The following EPHA5 variants were observed in gnomAD, a reference collection of about 807,000 sequenced individuals.
EPHA5 encodes the protein ephrin type-A receptor 5.
Under a neutral mutation model 105.0 loss-of-function variants are expected in EPHA5, and 60 were observed. The observed-to-expected ratio is 0.57, with a 90% confidence interval of 0.46 to 0.71. The LOEUF is 0.71. Among genes scored for constraint, EPHA5 ranks in the 30% least tolerant of loss-of-function variants. The probability of loss-of-function intolerance (pLI) is 0.00; values close to 1 mark genes in which losing one functional copy is unlikely to be tolerated. For missense variants in EPHA5, 1,218 were observed against 1,274.7 expected (o/e 0.96, Z 0.68); for synonymous variants, 513 against 449.1 (o/e 1.14, Z -1.80).
chr4:65,406,167 C>A (rs962683470), intron 7 of EPHA5, among the ~76,000 whole-genome samples: 2 of 152,144 alleles, frequency 1.3e-5, no homozygotes, highest in African/African-American at 4.8e-5. Context: ...TACTCTGCTG[C>A]TTACAAGCCT....
At chr4:65,400,344 C>T (rs1721693560) in intron 8 of EPHA5, among the ~76,000 whole-genome samples, 1 of 152,248 alleles carries the variant, frequency 6.6e-6, no homozygotes, top group African/African-American at 2.4e-5. Flanking sequence ...TTGTGGAAGG[C>T]ATATCAATTG....
intron 11 of EPHA5, among the ~76,000 whole-genome samples, chr4:65,363,852 T>G (rs1374779550): frequency 6.6e-6 from 1 of 151,574 alleles, no homozygotes; most frequent in Non-Finnish European, 1.5e-5. Flanking sequence ...TGATTTTATT[T>G]TATTGCATCT....
chr4:65,347,123 C>A (rs959497992), intron 14 of EPHA5, among the ~76,000 whole-genome samples: 1 of 152,090 alleles, frequency 6.6e-6, no homozygotes, highest in Non-Finnish European at 1.5e-5. Context: ...GTCTAACCAA[C>A]CCTGAAGGCA....
chr4:65,352,084 G>A (rs1192069585), intron 12 of EPHA5, among the ~76,000 whole-genome samples: 1 of 151,962 alleles, frequency 6.6e-6, no homozygotes, highest in African/African-American at 2.4e-5. Flanking sequence ...TTGGAAGTTT[G>A]TCGTCTTTGT....
chr4:65,571,470 T>G (rs2149375917), intron 3 of EPHA5, among the ~76,000 whole-genome samples: 1 of 152,242 alleles, frequency 6.6e-6, no homozygotes, highest in Non-Finnish European at 1.5e-5. Context: ...CTTGAGAAGA[T>G]GAATGAAACT....
At chr4:65,613,673 T>C (rs1744975796) in intron 2 of EPHA5, among the ~76,000 whole-genome samples, 1 of 152,032 alleles carries the variant, frequency 6.6e-6, no homozygotes. Flanking sequence ...CTATTGCAAA[T>C]TCCTCCTCCT....
At chr4:65,508,325 G>T (rs183416354) in intron 3 of EPHA5, among the ~76,000 whole-genome samples, 146 of 152,212 alleles carry the variant, frequency 9.6e-4, no homozygotes, top group Admixed American at 7.0e-3. Context: ...GAATCATTGA[G>T]TGAGTATGTT....
At chr4:65,489,047 G>A (rs1340396846) in intron 5 of EPHA5, among the ~76,000 whole-genome samples, 1 of 149,998 alleles carries the variant, frequency 6.7e-6, no homozygotes, top group African/African-American at 2.4e-5. Context: ...CACCATGCCC[G>A]GCTAATTTTT....
chr4:65,405,231 A>G (rs937340359), intron 7 of EPHA5, among the ~76,000 whole-genome samples: 3 of 151,716 alleles, frequency 2.0e-5, no homozygotes, highest in Non-Finnish European at 4.4e-5. Flanking sequence ...TACTTAAATA[A>G]GCAAATAAAT....
intron 13 of EPHA5, among the ~76,000 whole-genome samples, chr4:65,348,571 T>C (rs547312329): frequency 4.0e-5 from 6 of 150,138 alleles, no homozygotes; most frequent in South Asian, 2.1e-4. Context: ...TTCGTTTCTT[T>C]AATACAGAAA....
intron 2 of EPHA5, among the ~76,000 whole-genome samples, chr4:65,638,127 A>G (rs1418367317): frequency 6.6e-6 from 1 of 152,204 alleles, no homozygotes; most frequent in Non-Finnish European, 1.5e-5. Flanking sequence ...ATATTCTGAA[A>G]AAAGTGAAGA....
chr4:65,549,278 C>T (rs1737668885), intron 3 of EPHA5, among the ~76,000 whole-genome samples: 1 of 152,014 alleles, frequency 6.6e-6, no homozygotes, highest in South Asian at 2.1e-4. Context: ...CAAAAGCATC[C>T]TTAAGATTCA....
intron 3 of EPHA5, among the ~76,000 whole-genome samples, chr4:65,588,124 C>G (rs556464262): frequency 2.6e-5 from 4 of 152,198 alleles, no homozygotes; most frequent in African/African-American, 9.6e-5. Flanking sequence ...TCAGTTGCCC[C>G]TGAAACAGTG....
At chr4:65,643,826 T>C (rs1237757141) in intron 1 of EPHA5, among the ~76,000 whole-genome samples, 4 of 152,088 alleles carry the variant, frequency 2.6e-5, no homozygotes, top group Admixed American at 2.6e-4. Flanking sequence ...CTAAATGTAT[T>C]TTATTTTCTT....
intron 3 of EPHA5, among the ~76,000 whole-genome samples, chr4:65,574,859 C>T (rs1447210660): frequency 6.6e-6 from 1 of 150,528 alleles, no homozygotes; most frequent in African/African-American, 2.4e-5. Context: ...TTATAAAACC[C>T]TGCAACTTCA....
At position 65,401,865 on chromosome 4, in the gene EPHA5, C is replaced by A. The variant is rs1721859962; in HGVS notation, c.1793+2509G>T. Among the ~76,000 whole-genome samples, 4 of 150,258 alleles carry A rather than the reference C, an allele frequency of 2.7e-5. No individual in the cohort carries two copies. In the South Asian group the frequency reaches 6.3e-4, roughly 24 times the overall value. ...CTAAAATTTCATTGTTCTTGAACAG[C>A]AATTTCAGGTATATATAGAATTTGT... On this transcript the variant is annotated intron_variant, in intron 8 of 16. Transcript: ENST00000613740.
chr4:65,420,243 T>C (rs79845237), intron 6 of EPHA5, among the ~76,000 whole-genome samples, 198 bp downstream of exon 6: 2,882 of 152,266 alleles, frequency 0.019, 49 homozygotes, highest in Non-Finnish European at 0.028. Flanking sequence ...ATCTAAGCAG[T>C]GTAAACTATG....
At chr4:65,569,685 T>G (rs541352975) in intron 3 of EPHA5, among the ~76,000 whole-genome samples, 8 of 151,864 alleles carry the variant, frequency 5.3e-5, no homozygotes, top group African/African-American at 1.9e-4. Context: ...TGAATGACCA[T>G]TAATTATTCA....
At chr4:65,488,917 G>T (rs553321661) in intron 5 of EPHA5, among the ~76,000 whole-genome samples, 51 of 115,994 alleles carry the variant, frequency 4.4e-4, no homozygotes, top group Admixed American at 1.9e-3. Context: ...ACGGAGTCTC[G>T]CTCTGTTGCC....
Sources: gnomAD v4.1 joint callset for allele counts (sites outside exome capture counted in the v4.1 genomes callset) on GRCh38, gnomAD v4.1.1 for gene constraint, MANE v1.5 for transcripts, NCBI Gene and HGNC (gene_info 2026-07-23, HGNC 2026-07-21) for gene names.